WDR17: variants seen among roughly 807,000 people sequenced by gnomAD.
WDR17 encodes the protein WD repeat-containing protein 17.
In WDR17, 143 loss-of-function variants were observed where a neutral mutation model predicts 161.7. The observed-to-expected ratio is 0.88, with a 90% CI of 0.77 to 1.02. The LOEUF is 1.02. WDR17 is among the 50% of genes least tolerant of loss of function. The pLI is 0.00. For missense variants in WDR17, 1,469 were observed against 1,520.9 expected (o/e 0.97, Z 0.57); for synonymous variants, 517 against 515.6 (o/e 1.00, Z -0.04).
At chr4:176,155,257 T>G (rs1747877555) in intron 17 of WDR17, among the ~76,000 whole-genome samples, 1 of 152,050 alleles carries the variant, frequency 6.6e-6, no homozygotes, top group Non-Finnish European at 1.5e-5. Context: ...TTCTCTTTCT[T>G]TCTCTCAGGT....
intron 27 of WDR17, 62 bp from the exon 28 acceptor site, chr4:176,177,409 T>C (rs1000413698): frequency 4.5e-5 from 64 of 1,409,064 alleles, no homozygotes; most frequent in Non-Finnish European, 5.7e-5. Context: ...TAATTTCTAA[T>C]CTAAACATCA....
chr4:176,150,151 G>T lies in WDR17; in HGVS notation c.2156G>T (p.Arg719Ile). The T allele has an allele frequency of 1.2e-6, 2 of 1,613,308 alleles. No homozygotes were observed. Among genetic ancestry groups the T allele is most frequent in the Non-Finnish European group, 1.7e-6 (2 of 1,179,898 alleles). ...GCTAATTCTCAAGTGAAAAAACTAA[G>T]ATGGTTCTCAGAATGTTTATCTGTA... ...LTANSQVKKL[R>I]WFSECLSPPG... The change falls in exon 15 of 29, where the codon AGA (arginine) becomes ATA (isoleucine). Residue 719 changes from arginine to isoleucine, a missense_variant. Physicochemically the swap from Arg to Ile is moderately conservative, Grantham distance 97. Transcript: ENST00000508596.
At position 176,131,698 on chromosome 4, in the gene WDR17, A is replaced by G. The variant is rs1236321181; in HGVS notation, c.1058A>G (p.Tyr353Cys). The change falls in exon 7 of 29, where the codon TAT (tyrosine) becomes TGT (cysteine). Residue 353 changes from tyrosine to cysteine, a missense_variant. Physicochemically the swap from Tyr to Cys is radical, Grantham distance 194 (BLOSUM62 -2). Transcript: ENST00000508596. ...TTCTTGGATGGTGGAGTTGGACTTT[A>G]TGATATGGGAGCTAAGAAGTGGGAT... ...CCFLDGGVGLYDMGAKKWDFL... is the reference protein window; with the variant it reads ...CCFLDGGVGLCDMGAKKWDFL... The G allele has an allele frequency of 1.9e-6, 3 of 1,612,988 alleles. No individual in the cohort carries two copies. Among genetic ancestry groups the G allele is most frequent in the Middle Eastern group, 1.7e-4 (1 of 6,058 alleles).
chr4:176,100,352 A>G (rs542954149), intron 1 of WDR17, among the ~76,000 whole-genome samples: 2 of 152,168 alleles, frequency 1.3e-5, no homozygotes, highest in Admixed American at 6.6e-5. Flanking sequence ...GCATTTTTTC[A>G]TATACCTCTT....
At chr4:176,076,753 G>A (rs1017585713) in intron 1 of WDR17, among the ~76,000 whole-genome samples, 1 of 151,650 alleles carries the variant, frequency 6.6e-6, no homozygotes, top group Non-Finnish European at 1.5e-5. Context: ...TATCTTAGCT[G>A]ATAGTATGTT....
At chr4:176,104,032 T>C (rs1427665658) in intron 1 of WDR17, among the ~76,000 whole-genome samples, 1 of 152,062 alleles carries the variant, frequency 6.6e-6, no homozygotes, top group Non-Finnish European at 1.5e-5. Flanking sequence ...GATTAACACA[T>C]ACATACAGGG....
chr4:176,105,087 A>G (rs1047823489), intron 1 of WDR17, among the ~76,000 whole-genome samples: 3 of 152,020 alleles, frequency 2.0e-5, no homozygotes, highest in Non-Finnish European at 2.9e-5. Flanking sequence ...CATGCCCTAT[A>G]TTAATATTAG....
At chr4:176,119,134 A>G (rs1426041618) in intron 3 of WDR17, among the ~76,000 whole-genome samples, 1 of 152,100 alleles carries the variant, frequency 6.6e-6, no homozygotes, top group Non-Finnish European at 1.5e-5. Flanking sequence ...TATTTTATAT[A>G]TGATTTATTT....
intron 4 of WDR17, among the ~76,000 whole-genome samples, chr4:176,120,320 A>ATATATATATATATATATATATAT (rs1561130343): frequency 7.2e-6 from 1 of 138,592 alleles, no homozygotes; most frequent in African/African-American, 2.7e-5. Flanking sequence ...ATATATATAT[A>ATATATATATATATATATATATAT]ATACATTCAA....
chr4:176,148,692 C>A (rs981600192), intron 13 of WDR17, among the ~76,000 whole-genome samples: 1 of 152,182 alleles, frequency 6.6e-6, no homozygotes, highest in African/African-American at 2.4e-5. Flanking sequence ...GACATCACTC[C>A]AGAGGTAAGT....
rs1269575444 is a variant in WDR17 at position 176,115,892 on chromosome 4, C to G, written c.220C>G (p.Leu74Val). 2 of 1,611,528 alleles carry G rather than the reference C, an allele frequency of 1.2e-6. No individual in the cohort carries two copies. The highest frequency in any genetic ancestry group is 1.7e-6 in the Non-Finnish European group (2 of 1,178,472). ...TTCTTGGTGTCCACATAATCCTGAT[C>G]TGTTTGCAAGTGGCAGTACTGATAA... Reference protein sequence around the residue: ...AISWCPHNPDLFASGSTDNLV... With the variant: ...AISWCPHNPDVFASGSTDNLV... The change falls in exon 3 of 29, where the codon CTG (leucine) becomes GTG (valine). Residue 74 changes from leucine to valine, a missense_variant. Leu to Val is a conservative substitution (Grantham distance 32). Transcript: ENST00000508596.
intron 17 of WDR17, among the ~76,000 whole-genome samples, chr4:176,155,445 G>C (rs10022614): frequency 0.3 from 45,635 of 150,932 alleles, 7,354 homozygotes; most frequent in African/African-American, 0.4. Flanking sequence ...TAAGTGATGA[G>C]AGCAGCCATT....
chr4:176,106,746 G>A (rs1167831780), intron 1 of WDR17, among the ~76,000 whole-genome samples: 1 of 152,178 alleles, frequency 6.6e-6, no homozygotes, highest in Non-Finnish European at 1.5e-5. Flanking sequence ...TTGAGGCCAG[G>A]AGTTCGAGAC....
chr4:176,135,316 G>A (rs1192551090), intron 8 of WDR17, 40 bp downstream of exon 8: 2 of 1,599,768 alleles, frequency 1.3e-6, no homozygotes, highest in Non-Finnish European at 1.7e-6. Context: ...ACAATGAAAT[G>A]GCTTTTTAAA....
intron 1 of WDR17, among the ~76,000 whole-genome samples, chr4:176,069,951 G>C (rs1733013001): frequency 6.6e-6 from 1 of 152,112 alleles, no homozygotes; most frequent in Non-Finnish European, 1.5e-5. Flanking sequence ...TTAATGAAAA[G>C]AGTTATGCAA....
In WDR17 at chr4:176,131,807, C is replaced by T. The variant is rs1217737050; in HGVS notation, c.1098+69C>T. 2.5e-6 allele frequency: 3 copies of T among 1,178,574 alleles called. No homozygotes were observed. The African/African-American group carries it at 4.8e-5, about 19-fold the overall frequency. The allele number at this position is 1,178,574 out of a possible 1,614,324, so 73.0% of individuals were successfully genotyped here. A position where few individuals can be genotyped will look rare whatever the true frequency, so the allele number is the denominator to read the frequency against. On this transcript the variant is annotated intron_variant, in intron 7 of 28. Coordinates refer to ENST00000508596, the MANE Select transcript of WDR17 (RefSeq NM_181265.4). ...TGTAAACCCATGATCTTTACTTTTA[C>T]CTGTCTGAATATTATTTGAAATTAT...
chr4:176,169,024 A>G (rs1438266953), intron 23 of WDR17, among the ~76,000 whole-genome samples: 2 of 152,192 alleles, frequency 1.3e-5, no homozygotes, highest in Admixed American at 6.5e-5. Flanking sequence ...TTTGAAAAGC[A>G]TGGGATAATT....
intron 17 of WDR17, among the ~76,000 whole-genome samples, chr4:176,152,867 G>A (rs1025458233): frequency 1.7e-4 from 25 of 150,750 alleles, no homozygotes; most frequent in Non-Finnish European, 3.3e-4. Context: ...CCTGGGAGGC[G>A]GAGGTTGCAC....
At chr4:176,172,043 A>T (rs554192622) in intron 23 of WDR17, among the ~76,000 whole-genome samples, 1 of 152,274 alleles carries the variant, frequency 6.6e-6, no homozygotes, top group South Asian at 2.1e-4. Flanking sequence ...TTTTTCTAAC[A>T]TAATTAATTT....
Sources: gnomAD v4.1 joint callset for allele counts (sites outside exome capture counted in the v4.1 genomes callset) on GRCh38, gnomAD v4.1.1 for gene constraint, MANE v1.5 for transcripts, NCBI Gene and HGNC (gene_info 2026-07-23, HGNC 2026-07-21) for gene names.